CTNNA2: variants seen among roughly 807,000 people sequenced by gnomAD.
CTNNA2 encodes the protein catenin alpha-2.
A neutral mutation model predicts 101.0 loss-of-function variants in CTNNA2; 42 were observed. That is an observed-to-expected ratio of 0.42 (90% CI 0.32 to 0.54). The LOEUF (loss-of-function observed/expected upper bound fraction) is 0.54. CTNNA2 is among the 20% of genes least tolerant of loss of function. The pLI is 0.14. For missense variants in CTNNA2, 871 were observed against 1,223.1 expected, an observed-to-expected ratio of 0.71 and a Z score of 4.29; for synonymous variants, 450 against 456.4, an observed-to-expected ratio of 0.99 and a Z score of 0.18.
intron 18 of CTNNA2, among the ~76,000 whole-genome samples, chr2:80,634,739 T>C (rs904632810): frequency 6.6e-6 from 1 of 151,552 alleles, no homozygotes; most frequent in African/African-American, 2.4e-5. Flanking sequence ...TGGATAAGAG[T>C]GAAGAAGATG....
intron 7 of CTNNA2, among the ~76,000 whole-genome samples, chr2:80,328,930 G>A (rs1424560456): frequency 6.6e-6 from 1 of 152,060 alleles, no homozygotes; most frequent in Non-Finnish European, 1.5e-5. Context: ...CATGTATCAG[G>A]TTTCTATATA....
At chr2:79,567,844 T>C (rs1675210833) in intron 1 of CTNNA2, among the ~76,000 whole-genome samples, 1 of 152,072 alleles carries the variant, frequency 6.6e-6, no homozygotes, top group Non-Finnish European at 1.5e-5. Context: ...CCATCCAAAC[T>C]GGAGGCTCTA....
At chr2:80,049,635 A>G (rs1220060220) in intron 7 of CTNNA2, among the ~76,000 whole-genome samples, 6 of 152,214 alleles carry the variant, frequency 3.9e-5, no homozygotes, top group African/African-American at 9.6e-5. Flanking sequence ...GCCAGGCACC[A>G]GGTTTTGTGG....
chr2:80,408,961 G>A (rs1415630877), intron 8 of CTNNA2, among the ~76,000 whole-genome samples: 4 of 152,174 alleles, frequency 2.6e-5, no homozygotes, highest in Non-Finnish European at 4.4e-5. Context: ...CACCCACACC[G>A]TGACATTGTA....
chr2:80,252,931 G>A (rs1315543382), intron 7 of CTNNA2, among the ~76,000 whole-genome samples: 1 of 152,084 alleles, frequency 6.6e-6, no homozygotes, highest in African/African-American at 2.4e-5. Flanking sequence ...CTTGGGAAGG[G>A]GGATGGTGAT....
intron 7 of CTNNA2, among the ~76,000 whole-genome samples, chr2:80,290,016 C>G (rs1263730751): frequency 6.6e-6 from 1 of 152,156 alleles, no homozygotes; most frequent in Admixed American, 6.5e-5. Flanking sequence ...TCACTCTCCT[C>G]CCACTGCCTT....
chr2:79,588,639 A>G (rs1254961012), intron 1 of CTNNA2, among the ~76,000 whole-genome samples: 2 of 152,176 alleles, frequency 1.3e-5, no homozygotes, highest in African/African-American at 2.4e-5. Context: ...GAAATAAATA[A>G]TTGTATAGAA....
chr2:79,882,238 A>G (rs1254818500), intron 6 of CTNNA2, among the ~76,000 whole-genome samples: 6 of 151,670 alleles, frequency 4.0e-5, no homozygotes, highest in Middle Eastern at 3.2e-3. Flanking sequence ...TGCCCTTAAC[A>G]TTTTTTCCTT....
intron 7 of CTNNA2, chr2:80,313,432 A>G: frequency 2.0e-6 from 3 of 1,481,136 alleles, no homozygotes; most frequent in Non-Finnish European, 1.8e-6. Context: ...ACAGTTCTGG[A>G]GTGGAGATGA....
At chr2:79,664,825 C>A (rs977240477) in intron 2 of CTNNA2, among the ~76,000 whole-genome samples, 1 of 150,546 alleles carries the variant, frequency 6.6e-6, no homozygotes, top group Non-Finnish European at 1.5e-5. Flanking sequence ...CATTCTCCTG[C>A]CTCAGCCTCC....
intron 1 of CTNNA2, among the ~76,000 whole-genome samples, chr2:79,569,886 A>T (rs1675354981): frequency 6.6e-6 from 1 of 152,200 alleles, no homozygotes; most frequent in Admixed American, 6.5e-5. Flanking sequence ...AAGCTAAACT[A>T]ACATAGCTAA....
chr2:80,095,436 T>G (rs1700083388), intron 7 of CTNNA2, among the ~76,000 whole-genome samples: 1 of 152,226 alleles, frequency 6.6e-6, no homozygotes, highest in Non-Finnish European at 1.5e-5. Context: ...TGCGTCAATG[T>G]TCATCAAGGA....
intron 7 of CTNNA2, among the ~76,000 whole-genome samples, chr2:80,104,704 C>A (rs1478614712): frequency 6.6e-6 from 1 of 152,182 alleles, no homozygotes; most frequent in Non-Finnish European, 1.5e-5. Flanking sequence ...ATAAGCAGCA[C>A]ATTGAAAAGT....
chr2:79,677,766 G>A (rs1465815892), intron 2 of CTNNA2, among the ~76,000 whole-genome samples: 1 of 152,152 alleles, frequency 6.6e-6, no homozygotes, highest in Non-Finnish European at 1.5e-5. Flanking sequence ...CCACTGAAAG[G>A]AAATGTTAAA....
intron 7 of CTNNA2, among the ~76,000 whole-genome samples, chr2:80,032,191 G>A (rs191852937): frequency 3.3e-5 from 5 of 152,082 alleles, no homozygotes; most frequent in African/African-American, 9.6e-5. Context: ...CGTTTTGAAA[G>A]GATCCAGTGG....
chr2:80,404,264 T>C (rs1678846845), intron 8 of CTNNA2, among the ~76,000 whole-genome samples: 1 of 152,186 alleles, frequency 6.6e-6, no homozygotes, highest in African/African-American at 2.4e-5. Context: ...TTGTTTTTTA[T>C]GTGTCTATTT....
intron 3 of CTNNA2, among the ~76,000 whole-genome samples, chr2:79,826,620 A>C (rs1032469962): frequency 1.3e-5 from 2 of 152,234 alleles, no homozygotes; most frequent in African/African-American, 4.8e-5. Flanking sequence ...CGTAATGCCA[A>C]AGAACAGAAA....
chr2:80,199,529 A>T (rs750008031), intron 7 of CTNNA2, among the ~76,000 whole-genome samples: 6 of 152,242 alleles, frequency 3.9e-5, no homozygotes, highest in Non-Finnish European at 8.8e-5. Context: ...TGTCATAAAC[A>T]GTTTGTCCAG....
chr2:79,263,729 CG>C (rs1243273937), intron 2 of CTNNA2, among the ~76,000 whole-genome samples: 2 of 152,072 alleles, frequency 1.3e-5, no homozygotes, highest in Admixed American at 1.3e-4. Flanking sequence ...AAAGGGAGCT[CG>C]GCTCCTTCTT....
Sources: gnomAD v4.1 joint callset for allele counts (sites outside exome capture counted in the v4.1 genomes callset) on GRCh38, gnomAD v4.1.1 for gene constraint, MANE v1.5 for transcripts, NCBI Gene and HGNC (gene_info 2026-07-23, HGNC 2026-07-21) for gene names.